The following RNF150 variants were observed in gnomAD, a reference collection of about 807,000 sequenced individuals.
RNF150 encodes the protein ring finger protein 150.
Under a neutral mutation model 39.3 loss-of-function variants are expected in RNF150, and 24 were observed. The ratio of observed to expected loss-of-function variants is 0.61; its 90% CI spans 0.44 to 0.86. The LOEUF is 0.86. Ranked by LOEUF, RNF150 falls within the 40% of genes least tolerant of loss-of-function variation. The pLI is 0.00. For missense variants in RNF150, 502 were observed against 587.8 expected (o/e 0.85, Z 1.51); for synonymous variants, 255 against 227.3 (o/e 1.12, Z -1.10).
intron 1 of RNF150, among the ~76,000 whole-genome samples, chr4:141,061,087 T>C (rs1028074381): frequency 6.6e-6 from 1 of 151,660 alleles, no homozygotes; most frequent in African/African-American, 2.4e-5. Flanking sequence ...TGTATACCTA[T>C]GTAACAAAAC....
chr4:141,066,590 A>G (rs1183967015), intron 1 of RNF150, among the ~76,000 whole-genome samples: 1 of 152,208 alleles, frequency 6.6e-6, no homozygotes, highest in East Asian at 1.9e-4. Context: ...GAGCTATAGT[A>G]CCTTAGTAAG....
Position 141,065,277 on chromosome 4 carries a change from T to G in RNF150, c.484+67048A>C, listed in dbSNP as rs147335255. On this transcript the variant is annotated intron_variant, in intron 1 of 6. Coordinates refer to ENST00000515673, the MANE Select transcript of RNF150 (RefSeq NM_020724.2). ...TACGTCCTGGGTTACTATCTAAGAT[T>G]TGGCCACAAACATGCTATCTGTGCG... Among the ~76,000 whole-genome samples, 185 of 152,288 alleles carry G rather than the reference T, an allele frequency of 1.2e-3. 1 individual carries two copies. The highest frequency in any genetic ancestry group is 4.4e-3 in the African/African-American group (181 of 41,572).
intron 1 of RNF150, among the ~76,000 whole-genome samples, chr4:141,044,771 G>A (rs527943347): frequency 1.6e-3 from 229 of 146,648 alleles, no homozygotes; most frequent in Admixed American, 2.6e-3. Context: ...GGTGTGCAGC[G>A]CACACACACA....
chr4:140,964,200 T>C (rs1733148163), intron 2 of RNF150, among the ~76,000 whole-genome samples: 1 of 152,122 alleles, frequency 6.6e-6, no homozygotes, highest in African/African-American at 2.4e-5. Flanking sequence ...TACAAAGTAG[T>C]GGCTAAGGGC....
intron 1 of RNF150, among the ~76,000 whole-genome samples, chr4:141,041,203 T>C (rs111904191): frequency 5.1e-4 from 78 of 152,238 alleles, no homozygotes; most frequent in Non-Finnish European, 9.9e-4. Context: ...AAACAAATCA[T>C]TATAACCTAC....
chr4:140,975,274 TA>T (rs1733619311), intron 1 of RNF150, among the ~76,000 whole-genome samples: 1 of 152,014 alleles, frequency 6.6e-6, no homozygotes, highest in African/African-American at 2.4e-5. Flanking sequence ...AACAAATACA[TA>T]AAATACAGTA....
intron 2 of RNF150, among the ~76,000 whole-genome samples, chr4:140,961,314 A>G (rs566517934): frequency 1.3e-5 from 2 of 152,258 alleles, no homozygotes; most frequent in African/African-American, 4.8e-5. Flanking sequence ...ATTATGTAAG[A>G]TGCTGGTGAC....
At chr4:140,871,330 A>T (rs1266745705) in intron 6 of RNF150, among the ~76,000 whole-genome samples, 1 of 152,082 alleles carries the variant, frequency 6.6e-6, no homozygotes, top group Admixed American at 6.5e-5. Flanking sequence ...CTTTTTTACA[A>T]TTCTTCAAAT....
chr4:141,157,987 G>T (rs1219185422), intron 1 of RNF150, among the ~76,000 whole-genome samples: 1 of 152,068 alleles, frequency 6.6e-6, no homozygotes, highest in Non-Finnish European at 1.5e-5. Context: ...TAGATAAATG[G>T]ATTAACATTT....
intron 1 of RNF150, among the ~76,000 whole-genome samples, chr4:141,009,414 C>T (rs1175058751): frequency 6.6e-6 from 1 of 152,186 alleles, no homozygotes; most frequent in African/African-American, 2.4e-5. Flanking sequence ...GCTAGGCAAA[C>T]TATTTAACCT....
upstream of RNF150, among the ~76,000 whole-genome samples, chr4:141,135,343 C>T (rs140249869): frequency 2.8e-3 from 420 of 152,246 alleles, 1 homozygote; most frequent in African/African-American, 9.2e-3. Flanking sequence ...GCATCCTCCA[C>T]GAAAAGCAAG....
chr4:141,049,502 G>A (rs1390148153), intron 1 of RNF150, among the ~76,000 whole-genome samples: 4 of 151,798 alleles, frequency 2.6e-5, no homozygotes, highest in African/African-American at 9.7e-5. Context: ...GTGGGTAAAC[G>A]GTTAGGAAAT....
chr4:141,018,134 CA>C (rs1385865342), intron 1 of RNF150, among the ~76,000 whole-genome samples: 2 of 152,176 alleles, frequency 1.3e-5, no homozygotes, highest in Non-Finnish European at 2.9e-5. Context: ...AGGGCTCATC[CA>C]AGGCCACATA....
intron 2 of RNF150, among the ~76,000 whole-genome samples, chr4:140,961,594 T>C (rs1417499423): frequency 1.3e-5 from 2 of 152,152 alleles, no homozygotes; most frequent in Non-Finnish European, 2.9e-5. Flanking sequence ...TAACTTTCTG[T>C]TGAATGGAGT....
chr4:140,965,739 C>T (rs570778532), intron 2 of RNF150, among the ~76,000 whole-genome samples: 17 of 152,062 alleles, frequency 1.1e-4, no homozygotes, highest in South Asian at 4.2e-4. Context: ...AATAAACAAG[C>T]GGTTACCGGA....
chr4:141,072,620 C>T (rs1041667644), intron 1 of RNF150, among the ~76,000 whole-genome samples: 5 of 152,252 alleles, frequency 3.3e-5, no homozygotes, highest in Non-Finnish European at 7.4e-5. Context: ...AAGGCAATCA[C>T]AAATATAATT....
At chr4:140,924,596 C>T (rs1034523529) in intron 5 of RNF150, among the ~76,000 whole-genome samples, 1 of 152,108 alleles carries the variant, frequency 6.6e-6, no homozygotes, top group Admixed American at 6.5e-5. Flanking sequence ...CACACATTTC[C>T]CCCTCCCCTG....
chr4:140,942,381 G>T (rs1732123371), intron 4 of RNF150, among the ~76,000 whole-genome samples: 1 of 152,174 alleles, frequency 6.6e-6, no homozygotes, highest in African/African-American at 2.4e-5. Flanking sequence ...GCTGGAATCT[G>T]CTTCAATGTG....
chr4:140,950,661 C>T (rs1207491692), intron 2 of RNF150, among the ~76,000 whole-genome samples: 2 of 152,204 alleles, frequency 1.3e-5, no homozygotes, highest in Non-Finnish European at 2.9e-5. Flanking sequence ...GCCATCCATC[C>T]AACGTCTGGC....
Sources: allele counts gnomAD v4.1 joint callset (sites outside exome capture counted in the v4.1 genomes callset), GRCh38; gene constraint gnomAD v4.1.1; transcripts MANE v1.5; gene names NCBI Gene and HGNC (gene_info 2026-07-23, HGNC 2026-07-21).